STK3: variants seen among roughly 807,000 people sequenced by gnomAD.
STK3 encodes the protein serine/threonine kinase 3.
STK3 carries 41 observed loss-of-function variants against 58.0 expected under a neutral mutation model. That is an observed-to-expected ratio of 0.71 (90% confidence interval 0.55 to 0.92). STK3 has a LOEUF of 0.92. STK3 is among the 40% of genes least tolerant of loss of function. The pLI, the probability that STK3 is intolerant of heterozygous loss-of-function variation, is 0.00. For missense variants in STK3, 479 were observed against 602.7 expected, an observed-to-expected ratio of 0.79 and a Z score of 2.15; for synonymous variants, 170 against 191.0, an observed-to-expected ratio of 0.89 and a Z score of 0.91.
At chr8:98,633,330 T>G (rs573832751) in intron 6 of STK3, among the ~76,000 whole-genome samples, 2 of 152,290 alleles carry the variant, frequency 1.3e-5, no homozygotes, top group East Asian at 3.9e-4. Context: ...CCTTAAAAAT[T>G]TGGCTATTAA....
intron 4 of STK3, 53 bp from the exon 5 acceptor site, chr8:98,707,364 C>G: frequency 7.5e-7 from 1 of 1,334,982 alleles, no homozygotes; most frequent in Non-Finnish European, 1.0e-6. Flanking sequence ...TAGATAAAAT[C>G]TTACGAAAGA....
At chr8:98,448,460 G>T (rs996896427) in intron 1 of STK3, among the ~76,000 whole-genome samples, 2 of 152,124 alleles carry the variant, frequency 1.3e-5, no homozygotes, top group Admixed American at 6.6e-5. Context: ...CTTTCCAAAT[G>T]GGAAAGAAAG....
intron 10 of STK3, among the ~76,000 whole-genome samples, chr8:98,516,885 T>C (rs954290362): frequency 1.3e-5 from 2 of 152,078 alleles, no homozygotes; most frequent in African/African-American, 2.4e-5. Flanking sequence ...GGCTATTAGG[T>C]AGTTTCATTT....
chr8:98,426,327 C>T (rs1014454253), intron 3 of STK3, among the ~76,000 whole-genome samples: 1 of 152,206 alleles, frequency 6.6e-6, no homozygotes, highest in African/African-American at 2.4e-5. Context: ...ACAGAGGACC[C>T]ATTTTAATGA....
intron 6 of STK3, among the ~76,000 whole-genome samples, chr8:98,683,766 T>C (rs1823793176): frequency 6.6e-6 from 1 of 152,142 alleles, no homozygotes; most frequent in Non-Finnish European, 1.5e-5. Flanking sequence ...GACATCATAA[T>C]CTACATTTGG....
intron 6 of STK3, among the ~76,000 whole-genome samples, chr8:98,645,535 A>G (rs117616545): frequency 0.017 from 2,595 of 152,304 alleles, 29 homozygotes; most frequent in South Asian, 0.032. Context: ...ATTAAACTGT[A>G]GCAAAAGTGA....
At chr8:98,893,486 G>GAAAGAAGGAAAGAGAAAGAA (rs776247646) in intron 1 of STK3, among the ~76,000 whole-genome samples, 2 of 43,040 alleles carry the variant, frequency 4.6e-5, no homozygotes, top group Admixed American at 2.6e-4. Context: ...AAGAAAGAAA[G>GAAAGAAGGAAAGAGAAAGAA]AGAAAGAAAG....
chr8:98,697,994 G>C (rs1346706058), intron 6 of STK3, among the ~76,000 whole-genome samples: 2 of 152,176 alleles, frequency 1.3e-5, no homozygotes, highest in Non-Finnish European at 2.9e-5. Flanking sequence ...TTGTGTGGGA[G>C]TCTAAGTCTC....
chr8:98,489,691 T>C (rs955827580), intron 10 of STK3, among the ~76,000 whole-genome samples: 19 of 152,330 alleles, frequency 1.2e-4, no homozygotes, highest in African/African-American at 3.1e-4. Context: ...ATAGATGCTA[T>C]TGAATATAAC....
chr8:98,699,718 TG>T (rs1825369021), intron 6 of STK3, among the ~76,000 whole-genome samples: 1 of 152,180 alleles, frequency 6.6e-6, no homozygotes, highest in South Asian at 2.1e-4. Context: ...ATCGTTCCTC[TG>T]GAAGTTTTGT....
chr8:98,799,636 A>G (rs964180977), intron 1 of STK3, among the ~76,000 whole-genome samples: 2 of 152,084 alleles, frequency 1.3e-5, no homozygotes, highest in Non-Finnish European at 2.9e-5. Flanking sequence ...TCCAACATTA[A>G]CATTGCCCCA....
At chr8:98,385,059 T>C (rs924801481) in intron 1 of STK3, among the ~76,000 whole-genome samples, 1 of 152,144 alleles carries the variant, frequency 6.6e-6, no homozygotes, top group African/African-American at 2.4e-5. Context: ...TTCTTGGTTT[T>C]TGAATTTCAA....
At chr8:98,703,055 G>A (rs975643206) in intron 6 of STK3, among the ~76,000 whole-genome samples, 2 of 152,014 alleles carry the variant, frequency 1.3e-5, no homozygotes, top group African/African-American at 4.8e-5. Context: ...AAACATGGCT[G>A]GAAAACAAAA....
Position 98,794,898 on chromosome 8 carries a change from G to T in STK3, c.27-20079C>A, listed in dbSNP as rs183950168. Among the ~76,000 whole-genome samples the T allele has an allele frequency of 8.6e-3, 1,296 of 150,412 alleles. 11 individuals are homozygous for T. Among genetic ancestry groups the T allele is most frequent in the African/African-American group, 0.03 (1,221 of 40,896 alleles). Reference sequence around the variant, plus strand: ...GCCTGACCAACATGGAGAAACCCCGGCTCTACTAAAAAACCCAAGTTAGCC... The same window carrying T: ...GCCTGACCAACATGGAGAAACCCCGTCTCTACTAAAAAACCCAAGTTAGCC... On this transcript the variant is annotated intron_variant, in intron 1 of 10. Coordinates refer to ENST00000419617, the MANE Select transcript of STK3 (RefSeq NM_006281.4).
chr8:98,857,209 T>A (rs954397398), intron 3 of STK3, among the ~76,000 whole-genome samples: 1 of 152,232 alleles, frequency 6.6e-6, no homozygotes, highest in Non-Finnish European at 1.5e-5. Flanking sequence ...AATTTTATGG[T>A]ATGTGAATTA....
chr8:98,596,413 T>A (rs1178955105), intron 6 of STK3: 1 of 338,984 alleles, frequency 2.9e-6, no homozygotes, highest in Non-Finnish European at 5.4e-6. Context: ...ATTTTACCTA[T>A]TACTTTTTTT....
At chr8:98,801,553 A>T (rs1267698426) in intron 1 of STK3, among the ~76,000 whole-genome samples, 1 of 152,234 alleles carries the variant, frequency 6.6e-6, no homozygotes, top group Non-Finnish European at 1.5e-5. Context: ...GAACAACTCC[A>T]GACACACTGC....
At chr8:98,922,722 C>A (rs576305301) in intron 1 of STK3, among the ~76,000 whole-genome samples, 1 of 152,324 alleles carries the variant, frequency 6.6e-6, no homozygotes, top group East Asian at 1.9e-4. Flanking sequence ...TATTTACTTG[C>A]ATATTTAAAC....
chr8:98,490,111 A>G (rs539274076), intron 10 of STK3, among the ~76,000 whole-genome samples: 10 of 152,294 alleles, frequency 6.6e-5, no homozygotes, highest in Admixed American at 4.6e-4. Context: ...ACTTGCTTAA[A>G]CTTGAGGCAA....
Sources: allele counts gnomAD v4.1 joint callset (sites outside exome capture counted in the v4.1 genomes callset), GRCh38; gene constraint gnomAD v4.1.1; transcripts MANE v1.5; gene names NCBI Gene and HGNC (gene_info 2026-07-23, HGNC 2026-07-21).